The following FGD4 variants were observed in gnomAD, a reference collection of about 807,000 sequenced individuals.
The protein encoded by FGD4 is FYVE, RhoGEF and PH domain containing 4, also known as FYVE, RhoGEF and PH domain-containing protein 4.
In FGD4, 42 loss-of-function variants were observed where a neutral mutation model predicts 102.0. The ratio of observed to expected loss-of-function variants is 0.41; its 90% CI spans 0.32 to 0.53. The LOEUF (loss-of-function observed/expected upper bound fraction) is 0.53. FGD4 is among the 20% of genes least tolerant of loss of function. The pLI is 0.21. For missense variants in FGD4, 902 were observed against 1,078.2 expected (o/e 0.84, Z 2.29); for synonymous variants, 380 against 375.7 (o/e 1.01, Z -0.13).
At chr12:32,525,051 A>G (rs1298944750) in intron 1 of FGD4, among the ~76,000 whole-genome samples, 2 of 152,228 alleles carry the variant, frequency 1.3e-5, no homozygotes, top group African/African-American at 4.8e-5. Flanking sequence ...TTAGGATGTT[A>G]CCAATACATT....
At chr12:32,448,135 A>C (rs1167395501) in intron 1 of FGD4, among the ~76,000 whole-genome samples, 2 of 152,204 alleles carry the variant, frequency 1.3e-5, no homozygotes, top group Middle Eastern at 3.2e-3. Flanking sequence ...GGATGCCCTC[A>C]CTTGCTCATT....
chr12:32,505,707 T>G (rs973708096), intron 1 of FGD4, among the ~76,000 whole-genome samples: 2 of 152,152 alleles, frequency 1.3e-5, no homozygotes, highest in East Asian at 3.9e-4. Context: ...GTTCCACGTT[T>G]TACAAATAAC....
intron 1 of FGD4, among the ~76,000 whole-genome samples, chr12:32,416,907 T>C (rs968659634): frequency 6.6e-6 from 1 of 151,920 alleles, no homozygotes; most frequent in South Asian, 2.1e-4. Flanking sequence ...TTTTCTTTTT[T>C]TTTTTTTGAG....
rs755842788 is a variant in FGD4 at position 32,600,568 on chromosome 12, T to TTTTCTTTC, written c.1102-690_1102-683dup. On this transcript the variant is annotated intron_variant, in intron 5 of 16. Transcript: ENST00000534526. ...GAAGGTTTGGGTTTTTGTTTTTTGT[T>TTTTCTTTC]TTTCTTTCTTTCTTTCTTTCTTTCT... is the stretch of plus-strand genomic sequence containing the variant. 2.2e-4 allele frequency: 100 copies of TTTTCTTTC among 459,674 alleles called. No homozygotes were observed. The East Asian group carries it at 0.012, about 54-fold the overall frequency. The allele number at this position is 459,674 out of a possible 1,614,324, so 28.5% of individuals were successfully genotyped here. A position where few individuals can be genotyped will look rare whatever the true frequency, so the allele number is the denominator to read the frequency against.
intron 5 of FGD4, 138 bp from the exon 6 acceptor site, chr12:32,601,139 AT>A: frequency 1.2e-6 from 1 of 826,672 alleles, no homozygotes; most frequent in Admixed American, 2.5e-5. Context: ...TCACTCCTAA[AT>A]TTCAAAGGAT....
At chr12:32,441,112 C>T (rs964151910) in intron 1 of FGD4, among the ~76,000 whole-genome samples, 3 of 152,120 alleles carry the variant, frequency 2.0e-5, no homozygotes, top group Non-Finnish European at 4.4e-5. Context: ...GAACCAGGGA[C>T]CCCAAGAGCT....
intron 1 of FGD4, among the ~76,000 whole-genome samples, chr12:32,515,662 T>G (rs1048981125): frequency 2.6e-5 from 4 of 152,248 alleles, no homozygotes; most frequent in Non-Finnish European, 5.9e-5. Context: ...GCACTGACAT[T>G]GAGCATTGCA....
At chr12:32,639,035 A>G (rs1321518966) in intron 16 of FGD4, 2 of 1,105,084 alleles carry the variant, frequency 1.8e-6, no homozygotes, top group Non-Finnish European at 2.4e-6. Flanking sequence ...AATGGGTTTG[A>G]GAAAAGATGA....
chr12:32,497,906 C>A (rs1304390021), intron 1 of FGD4, among the ~76,000 whole-genome samples: 5 of 152,192 alleles, frequency 3.3e-5, no homozygotes. Flanking sequence ...GCTACTTCAG[C>A]CTTTTTTCTT....
Position 32,501,428 on chromosome 12 carries a change from C to T in FGD4, c.167-62709C>T, listed in dbSNP as rs7975311. On this transcript the variant is annotated intron_variant, in intron 1 of 16. Coordinates refer to ENST00000534526, the MANE Select transcript of FGD4 (RefSeq NM_001370298.3). Reference sequence around the variant, plus strand: ...TCCTTCATGAGGACCAGGGTGTGGGCAACTGTTCCTGCAGAATCAGTATTT... The same window carrying T: ...TCCTTCATGAGGACCAGGGTGTGGGTAACTGTTCCTGCAGAATCAGTATTT... Among the ~76,000 whole-genome samples the T allele has an allele frequency of 5.9e-3, 891 of 152,214 alleles. 15 individuals carry two copies. The highest frequency in any genetic ancestry group is 0.02 in the African/African-American group (840 of 41,518).
chr12:32,472,492 C>T (rs75007328), intron 1 of FGD4, among the ~76,000 whole-genome samples: 6 of 152,206 alleles, frequency 3.9e-5, no homozygotes, highest in South Asian at 4.1e-4. Flanking sequence ...ACCGGTGCTG[C>T]GCTCAATTTC....
chr12:32,462,701 A>C (rs1390456732), intron 1 of FGD4, among the ~76,000 whole-genome samples: 1 of 152,216 alleles, frequency 6.6e-6, no homozygotes, highest in Non-Finnish European at 1.5e-5. Flanking sequence ...CCAGGCTGGC[A>C]ATATCCAAGG....
chr12:32,418,106 G>T (rs1027074497), intron 1 of FGD4, among the ~76,000 whole-genome samples: 1 of 151,672 alleles, frequency 6.6e-6, no homozygotes, highest in African/African-American at 2.4e-5. Flanking sequence ...ACAGGCGCCC[G>T]CCACCACGCC....
At chr12:32,602,084 C>T (rs1288466384) in intron 6 of FGD4, 77 bp from the exon 7 acceptor site, 23 of 1,344,650 alleles carry the variant, frequency 1.7e-5, no homozygotes, top group Non-Finnish European at 2.3e-5. Context: ...CACTGCACTA[C>T]AGTCTGGGTG....
At chr12:32,534,479 AATC>A (rs1397828277) in intron 1 of FGD4, 1 of 1,515,922 alleles carries the variant, frequency 6.6e-7, no homozygotes, top group African/African-American at 1.4e-5. Context: ...GTATATGTGA[AATC>A]ATGTCCACTG....
intron 1 of FGD4, among the ~76,000 whole-genome samples, chr12:32,508,477 T>C (rs796845713): frequency 4.6e-5 from 7 of 152,302 alleles, no homozygotes; most frequent in African/African-American, 1.7e-4. Context: ...CACCACAATA[T>C]AGTTGTCATA....
intron 1 of FGD4, among the ~76,000 whole-genome samples, chr12:32,448,586 A>T (rs1942686144): frequency 6.6e-6 from 1 of 151,722 alleles, no homozygotes; most frequent in Non-Finnish European, 1.5e-5. Context: ...GAACCCAGGA[A>T]GCAGAGGTTG....
At chr12:32,409,363 C>G (rs2253237) in intron 1 of FGD4, among the ~76,000 whole-genome samples, 81,271 of 149,836 alleles carry the variant, frequency 0.54, 22,984 homozygotes, top group African/African-American at 0.71. Flanking sequence ...ATCTCCGCTC[C>G]CTGCAACCTC....
intron 1 of FGD4, among the ~76,000 whole-genome samples, chr12:32,425,198 G>A (rs1422658866): frequency 6.6e-6 from 1 of 152,134 alleles, no homozygotes; most frequent in East Asian, 1.9e-4. Flanking sequence ...GGCTTTTAAG[G>A]TTTTAGGTCT....
Sources: gnomAD v4.1 joint callset for allele counts (sites outside exome capture counted in the v4.1 genomes callset) on GRCh38, gnomAD v4.1.1 for gene constraint, MANE v1.5 for transcripts, NCBI Gene and HGNC (gene_info 2026-07-23, HGNC 2026-07-21) for gene names.